ZNF180: variants seen among roughly 807,000 people sequenced by gnomAD.
ZNF180 encodes zinc finger protein 180 (HHZ168).
Under a neutral mutation model 11.8 loss-of-function variants are expected in ZNF180, and 11 were observed. The ratio of observed to expected loss-of-function variants is 0.93; its 90% confidence interval spans 0.59 to 1.55. ZNF180 has a LOEUF of 1.55. ZNF180 is among the 40% of genes most tolerant of loss of function. The pLI is 0.00. For synonymous variants in ZNF180, 287 were observed against 257.7 expected (o/e 1.11, Z -1.09); for missense variants, 773 against 781.7 (o/e 0.99, Z 0.13).
intron 2 of ZNF180, among the ~76,000 whole-genome samples, chr19:44,490,437 C>A (rs1970423362): frequency 6.6e-6 from 1 of 152,134 alleles, no homozygotes; most frequent in Non-Finnish European, 1.5e-5. Flanking sequence ...ACAAGGGAGC[C>A]ACAAGTTTTG....
chr19:44,493,528 G>A (rs2571114), intron 2 of ZNF180, among the ~76,000 whole-genome samples: 53,233 of 152,060 alleles, frequency 0.35, 10,867 homozygotes, highest in South Asian at 0.52. Context: ...ATTAACTAGA[G>A]GACATTCAGA....
At position 44,497,424 on chromosome 19, in the gene ZNF180, C is replaced by T. The variant is rs779431413; in HGVS notation, c.-43-47G>A. ...GCATGAAGATGTAGGTCTGCCGGAA[C>T]CGCTGGGCCCCCCACCCCCATTAGC... On this transcript the variant is annotated intron_variant, in intron 1 of 4. Coordinates refer to ENST00000592529, the MANE Select transcript of ZNF180 (RefSeq NM_001278509.3). The T allele has an allele frequency of 3.3e-6, 5 of 1,522,778 alleles. No individual in the cohort carries two copies. In the African/African-American group the frequency reaches 5.6e-5, roughly 17 times the overall value. 94.3% of individuals were successfully genotyped at this position (1,522,778 alleles called of 1,614,324 possible).
intron 3 of ZNF180, among the ~76,000 whole-genome samples, chr19:44,482,891 G>C (rs1970119675): frequency 6.6e-6 from 1 of 152,178 alleles, no homozygotes; most frequent in African/African-American, 2.4e-5. Flanking sequence ...AGTAGTAGAG[G>C]GATAAAACCT....
chr19:44,491,862 G>A (rs1409503911), intron 2 of ZNF180, among the ~76,000 whole-genome samples: 2 of 152,152 alleles, frequency 1.3e-5, no homozygotes, highest in African/African-American at 4.8e-5. Context: ...ACAGGTGTGA[G>A]CCACTTTACC....
At chr19:44,480,888 C>T (rs1407435587) in intron 3 of ZNF180, among the ~76,000 whole-genome samples, 3 of 152,092 alleles carry the variant, frequency 2.0e-5, no homozygotes, top group African/African-American at 7.2e-5. Context: ...TTAGCCTGTA[C>T]TGTTATGATT....
intron 2 of ZNF180, among the ~76,000 whole-genome samples, chr19:44,492,446 T>G (rs1273319841): frequency 2.0e-5 from 3 of 152,218 alleles, no homozygotes; most frequent in African/African-American, 7.2e-5. Context: ...CTTTGCAGAC[T>G]TTACGAAATG....
At chr19:44,484,621 C>T (rs904631569) in intron 2 of ZNF180, 186 bp from the exon 3 acceptor site, 1 of 604,322 alleles carries the variant, frequency 1.7e-6, no homozygotes, top group African/African-American at 1.8e-5. Context: ...AGAGGAGATA[C>T]ATGGAGGAGC....
chr19:44,496,193 A>AT (rs113986795), intron 2 of ZNF180, among the ~76,000 whole-genome samples: 4 of 151,476 alleles, frequency 2.6e-5, no homozygotes, highest in African/African-American at 9.7e-5. Context: ...AATTTTTAAA[A>AT]TTTTTTATAG....
At position 44,476,299 on chromosome 19, in the gene ZNF180, A is replaced by G; in HGVS notation, c.*103T>C. ...AACAGAGGGCTGGAAGTTTTCCCAC[A>G]TATATTGTTTTTATAGTAGTTCTTC... On this transcript the variant is annotated 3_prime_UTR_variant, in exon 5 of 5. Transcript: ENST00000592529. 8.8e-7 allele frequency: 1 copy of G among 1,137,204 alleles called. No individual in the cohort carries two copies. Among genetic ancestry groups the G allele is most frequent in the Non-Finnish European group, 1.2e-6 (1 of 829,006 alleles). The allele number at this position is 1,137,204 out of a possible 1,614,324, so 70.4% of individuals were successfully genotyped here.
At chr19:44,496,223 T>G (rs1359239466) in intron 2 of ZNF180, among the ~76,000 whole-genome samples, 1 of 151,910 alleles carries the variant, frequency 6.6e-6, no homozygotes, top group Non-Finnish European at 1.5e-5. Flanking sequence ...CTCACTATGT[T>G]GCCCAGGCTG....
intron 2 of ZNF180, among the ~76,000 whole-genome samples, chr19:44,492,610 T>C (rs951285899): frequency 6.6e-6 from 1 of 152,138 alleles, no homozygotes; most frequent in African/African-American, 2.4e-5. Context: ...GTCCGCTTCA[T>C]AGTAAGACAG....
chr19:44,487,049 T>TAATAAATA (rs767172235), intron 2 of ZNF180, among the ~76,000 whole-genome samples: 4 of 151,382 alleles, frequency 2.6e-5, no homozygotes, highest in African/African-American at 9.7e-5. Flanking sequence ...TCTCAAAAAA[T>TAATAAATA]AATAAATAAA....
At chr19:44,484,603 GGAGA>G (rs1970175420) in intron 2 of ZNF180, 168 bp from the exon 3 acceptor site, 2 of 626,552 alleles carry the variant, frequency 3.2e-6, no homozygotes, top group South Asian at 1.8e-5. Flanking sequence ...CTAACCATGT[GGAGA>G]GAGAGAGGAG....
At chr19:44,478,327 A>AT (rs1969988521) in intron 4 of ZNF180, among the ~76,000 whole-genome samples, 181 bp from the exon 5 acceptor site, 1 of 152,254 alleles carries the variant, frequency 6.6e-6, no homozygotes, top group African/African-American at 2.4e-5. Flanking sequence ...CCACAGCCCA[A>AT]TATTACAACA....
rs1351315176 is a variant in ZNF180, at chr19:44,489,029, CG to C, written c.52-4595del. Among the ~76,000 whole-genome samples the C allele has an allele frequency of 2.5e-4, 37 of 150,336 alleles. 1 individual carries two copies. The highest frequency in any genetic ancestry group is 2.3e-3 in the Admixed American group (35 of 15,158). On this transcript the variant is annotated intron_variant, in intron 2 of 4. Transcript: ENST00000592529. The stretch of plus-strand genomic sequence containing the variant: ...CTGGGAAGTGAGTAGCGTCTCCGCC[CG>C]GCAGCCACCCCGTCCGGGAGGGAGG...
At chr19:44,479,434 T>C (rs1318265958) in intron 3 of ZNF180, 25 bp from the exon 4 acceptor site, 1 of 1,612,180 alleles carries the variant, frequency 6.2e-7, no homozygotes, top group African/African-American at 1.3e-5. Context: ...ACATTCCTGC[T>C]CAGCTGGGCA....
At position 44,498,131 on chromosome 19, in the gene ZNF180, A is replaced by G. The variant is rs1003889696; in HGVS notation, c.-43-754T>C. Among the ~76,000 whole-genome samples, 3 of 152,048 alleles carry G rather than the reference A, an allele frequency of 2.0e-5. 1 individual carries two copies. In the South Asian group the frequency reaches 6.2e-4, roughly 32 times the overall value. ...TTTGTAGCTCTAAACCAGTCCCTCCACCAACTTGGGTATACTCAGGCCTGA... is the reference window on the plus strand; with the variant it reads ...TTTGTAGCTCTAAACCAGTCCCTCCGCCAACTTGGGTATACTCAGGCCTGA... On this transcript the variant is annotated intron_variant, in intron 1 of 4. Coordinates refer to ENST00000592529, the MANE Select transcript of ZNF180 (RefSeq NM_001278509.3).
At chr19:44,489,825 GA>G (rs371497639) in intron 2 of ZNF180, among the ~76,000 whole-genome samples, 19 of 94,580 alleles carry the variant, frequency 2.0e-4, no homozygotes, top group South Asian at 9.2e-4. Flanking sequence ...CGAAAGAAAA[GA>G]AAGAAAAGAA....
chr19:44,497,254 G>A, intron 2 of ZNF180, 30 bp downstream of exon 2: 1 of 1,535,504 alleles, frequency 6.5e-7, no homozygotes, highest in South Asian at 1.2e-5. Context: ...TCAGGCTGCA[G>A]ACAGACCCAA....
Sources: allele counts gnomAD v4.1 joint callset (sites outside exome capture counted in the v4.1 genomes callset), GRCh38; gene constraint gnomAD v4.1.1; transcripts MANE v1.5; gene names NCBI Gene and HGNC (gene_info 2026-07-23, HGNC 2026-07-21).